The following SGSM1 variants were observed in gnomAD, a reference collection of about 807,000 sequenced individuals.
SGSM1 encodes RUN and TBC1 domain containing 2.
In SGSM1, 73 loss-of-function variants were observed where a neutral mutation model predicts 133.8. The ratio of observed to expected loss-of-function variants is 0.55; its 90% confidence interval spans 0.45 to 0.66. SGSM1 has a LOEUF of 0.66. Among genes scored for constraint, SGSM1 ranks in the 30% least tolerant of loss-of-function variants. The pLI is 0.00. For synonymous variants in SGSM1, 563 were observed against 573.0 expected (o/e 0.98, Z 0.25); for missense variants, 1,213 against 1,448.1 (o/e 0.84, Z 2.64).
At chr22:24,884,846 C>CCA (rs1932513065) in intron 15 of SGSM1, among the ~76,000 whole-genome samples, 1 of 152,192 alleles carries the variant, frequency 6.6e-6, no homozygotes, top group African/African-American at 2.4e-5. Flanking sequence ...AAACTCAACC[C>CCA]CACCATACAC....
rs192771878 is a variant in SGSM1, at chr22:24,841,592, G to A, written c.64-3305G>A. 5.3e-5 allele frequency among the ~76,000 whole-genome samples: 8 copies of A among 152,350 alleles called. No individual in the cohort carries two copies. In the East Asian group the frequency reaches 1.5e-3, roughly 29 times the overall value. ...CTGTATTAAAATGAGCTTCTTAGAAGTGGATGCAGGGAGACCAGTAAGAGT... is the reference window on the plus strand; with the variant it reads ...CTGTATTAAAATGAGCTTCTTAGAAATGGATGCAGGGAGACCAGTAAGAGT... On this transcript the variant is annotated intron_variant, in intron 2 of 24. Coordinates refer to ENST00000400358, the MANE Select transcript of SGSM1 (RefSeq NM_001098497.3).
chr22:24,921,502 T>C (rs1347642981), intron 24 of SGSM1, among the ~76,000 whole-genome samples: 4 of 152,292 alleles, frequency 2.6e-5, no homozygotes, highest in African/African-American at 9.6e-5. Context: ...TTTGAAGGTG[T>C]GATCGAGAGT....
chr22:24,851,381 G>A (rs946781699), intron 5 of SGSM1, among the ~76,000 whole-genome samples: 2 of 137,238 alleles, frequency 1.5e-5, no homozygotes, highest in African/African-American at 5.5e-5. Flanking sequence ...TTTATCATCT[G>A]ACACTCCTTG....
At chr22:24,898,809 C>T (rs990049125) in intron 19 of SGSM1, among the ~76,000 whole-genome samples, 10 of 151,900 alleles carry the variant, frequency 6.6e-5, no homozygotes, top group African/African-American at 1.5e-4. Flanking sequence ...GGGTGGATCA[C>T]GAAGTCAGAA....
At chr22:24,918,947 G>A (rs1205890963) in intron 23 of SGSM1, among the ~76,000 whole-genome samples, 1 of 151,130 alleles carries the variant, frequency 6.6e-6, no homozygotes, top group Non-Finnish European at 1.5e-5. Flanking sequence ...ACCATATTTG[G>A]CCAGGCTGGT....
At position 24,881,875 on chromosome 22, in the gene SGSM1, A is replaced by G. The variant is rs184969260; in HGVS notation, c.1496-2178A>G. ...AGCACAGGCTGCCATTTGCTGAGGC[A>G]CTTTACCTAACACCCTCCAGGTGCC... On this transcript the variant is annotated intron_variant, in intron 14 of 24. Transcript: ENST00000400358. 7.5e-3 allele frequency among the ~76,000 whole-genome samples: 1,136 copies of G among 152,246 alleles called. 13 individuals are homozygous for G. The highest frequency in any genetic ancestry group is 0.025 in the African/African-American group (1,048 of 41,548).
Position 24,901,954 on chromosome 22 carries a change from G to T in SGSM1, c.2732G>T (p.Cys911Phe), listed in dbSNP as rs772850041. The T allele has an allele frequency of 6.4e-7, 1 of 1,567,610 alleles. No individual in the cohort carries two copies. Among genetic ancestry groups the T allele is most frequent in the East Asian group, 2.4e-5 (1 of 42,218 alleles). ...ANLEKLRNIM[C>F]SYIWQHIEIG... ...TTGGAGAAGCTGCGTAACATCATGT[G>T]CAGGTGGCTGGGGACAGCGAGGGGA... Residue 911 changes from cysteine to phenylalanine, a missense_variant, in exon 20 of 25, where the codon TGC (cysteine) becomes TTC (phenylalanine). Coordinates refer to ENST00000400358, the MANE Select transcript of SGSM1 (RefSeq NM_001098497.3).
chr22:24,806,823 AAG>A (rs1391310279), intron 2 of SGSM1, among the ~76,000 whole-genome samples: 1 of 151,960 alleles, frequency 6.6e-6, no homozygotes, highest in Non-Finnish European at 1.5e-5. Context: ...GGGACCTTCC[AAG>A]AGAGAGAAGC....
intron 2 of SGSM1, among the ~76,000 whole-genome samples, chr22:24,822,244 C>T (rs144415108): frequency 0.02 from 3,020 of 152,036 alleles, 99 homozygotes; most frequent in African/African-American, 0.069. Flanking sequence ...GTGCCCGCCA[C>T]CACGCCCGGC....
intron 3 of SGSM1, among the ~76,000 whole-genome samples, chr22:24,846,037 CTTTCT>C (rs1328457861): frequency 6.1e-5 from 7 of 114,562 alleles, no homozygotes; most frequent in Admixed American, 1.9e-4. Flanking sequence ...TTCTCTCTTT[CTTTCT>C]TTTTTTTTTT....
At chr22:24,897,249 G>C (rs766043312) in intron 18 of SGSM1, among the ~76,000 whole-genome samples, 13 of 150,736 alleles carry the variant, frequency 8.6e-5, no homozygotes, top group Non-Finnish European at 5.9e-5. Context: ...GCATGGTGGC[G>C]AGTGCCTGTA....
At chr22:24,884,025 A>G (rs1932468815) in intron 14 of SGSM1, 28 bp from the exon 15 acceptor site, 5 of 1,575,386 alleles carry the variant, frequency 3.2e-6, no homozygotes, top group Non-Finnish European at 4.3e-6. Flanking sequence ...GTGGTGGATG[A>G]TGACACTTTC....
At chr22:24,884,292 T>G in intron 15 of SGSM1, 94 bp downstream of exon 15, 1 of 1,472,242 alleles carries the variant, frequency 6.8e-7, no homozygotes, top group East Asian at 2.3e-5. Flanking sequence ...TTGTGGGGAC[T>G]TGAGCTGACG....
chr22:24,922,089 C>A (rs947933015), intron 24 of SGSM1, among the ~76,000 whole-genome samples: 8 of 151,816 alleles, frequency 5.3e-5, no homozygotes, highest in African/African-American at 1.7e-4. Flanking sequence ...ACCCATTGGG[C>A]TTTGCATACC....
chr22:24,849,899 G>A (rs983665324), intron 4 of SGSM1, among the ~76,000 whole-genome samples: 1 of 152,196 alleles, frequency 6.6e-6, no homozygotes, highest in African/African-American at 2.4e-5. Flanking sequence ...TGCTGGAGAG[G>A]TGAGTGGGAC....
chr22:24,817,552 C>T (rs758619781), intron 2 of SGSM1, among the ~76,000 whole-genome samples: 37 of 152,056 alleles, frequency 2.4e-4, no homozygotes, highest in Non-Finnish European at 4.4e-4. Context: ...TGGGTTTCAC[C>T]ATGTTGGTCA....
At position 24,924,350 on chromosome 22, in the gene SGSM1, T is replaced by C. The variant is rs909277763; in HGVS notation, c.*76T>C. On this transcript the variant is annotated 3_prime_UTR_variant, in exon 25 of 25. Coordinates refer to ENST00000400358, the MANE Select transcript of SGSM1 (RefSeq NM_001098497.3). The stretch of plus-strand genomic sequence containing the variant: ...CTGCTTACTTTTCCTCCTGGCTGGA[T>C]GGGCACCCCGGGAGCGGGGTCCTGG... 1 of 1,355,478 alleles carries C rather than the reference T, an allele frequency of 7.4e-7. No individual in the cohort carries two copies. The highest frequency in any genetic ancestry group is 1.4e-5 in the African/African-American group (1 of 69,828). The allele number at this position is 1,355,478 out of a possible 1,614,324, so 84.0% of individuals were successfully genotyped here.
Position 24,867,154 on chromosome 22 carries a change from C to G in SGSM1, c.988C>G (p.Gln330Glu). 6.2e-7 allele frequency: 1 copy of G among 1,613,784 alleles called. No homozygotes were observed. The highest frequency in any genetic ancestry group is 8.5e-7 in the Non-Finnish European group (1 of 1,179,826). ...LEEIVYLHCH[Q>E]QVDSGGTVVL... ...GGAGATTGTCTACCTGCACTGCCAC[C>G]AGCAAGGTAGGGACTGTGGGGACAG... Residue 330 changes from glutamine to glutamate, a missense_variant, in exon 10 of 25, where the codon CAG (glutamine) becomes GAG (glutamate). By Grantham distance (29) the Gln-to-Glu change is conservative (BLOSUM62 2). Coordinates refer to ENST00000400358, the MANE Select transcript of SGSM1 (RefSeq NM_001098497.3).
chr22:24,922,998 C>T (rs968790358), intron 24 of SGSM1, among the ~76,000 whole-genome samples: 1 of 152,128 alleles, frequency 6.6e-6, no homozygotes, highest in Admixed American at 6.5e-5. Flanking sequence ...CGTGATGGTG[C>T]ATACCTGTAA....
Sources: gnomAD v4.1 joint callset for allele counts (sites outside exome capture counted in the v4.1 genomes callset) on GRCh38, gnomAD v4.1.1 for gene constraint, MANE v1.5 for transcripts, NCBI Gene and HGNC (gene_info 2026-07-23, HGNC 2026-07-21) for gene names.